The following OIT3 variants were observed in gnomAD, a reference collection of about 807,000 sequenced individuals.
The protein encoded by OIT3 is oncoprotein-induced transcript 3 protein.
In OIT3, 41 loss-of-function variants were observed where a neutral mutation model predicts 52.2. The ratio of observed to expected loss-of-function variants is 0.79; its 90% CI spans 0.61 to 1.02. OIT3 has a LOEUF of 1.02. Among genes scored for constraint, OIT3 ranks in the 50% least tolerant of loss-of-function variants. The probability of loss-of-function intolerance (pLI) is 0.00; values close to 1 mark genes in which losing one functional copy is unlikely to be tolerated. For synonymous variants in OIT3, 244 were observed against 276.9 expected (o/e 0.88, Z 1.18); for missense variants, 634 against 715.5 (o/e 0.89, Z 1.30).
At chr10:72,909,968 G>A (rs1156508412) in intron 4 of OIT3, among the ~76,000 whole-genome samples, 1 of 152,124 alleles carries the variant, frequency 6.6e-6, no homozygotes, top group African/African-American at 2.4e-5. Flanking sequence ...TCATAAAAGT[G>A]TAGAAGAAAA....
intron 1 of OIT3, among the ~76,000 whole-genome samples, chr10:72,896,929 A>G (rs1845879991): frequency 6.6e-6 from 1 of 152,212 alleles, no homozygotes; most frequent in Non-Finnish European, 1.5e-5. Flanking sequence ...ATGTTGATTC[A>G]TTAATTAGTT....
In OIT3 at chr10:72,924,229, GT is replaced by G. The variant is rs1221914369; in HGVS notation, c.953del (p.Val318GlyfsTer2). ...SLKTCGTVVDVVNDKIVASNL... is the reference protein window; with the variant it reads ...SLKTCGTVVDXVNDKIVASNL... ...CTCTCCTCACCCTGGCCTGGCTCAG[GT>G]GGTGAATGACAAGATTGTGGCCAGC... On this transcript the variant is annotated frameshift_variant and splice_region_variant, in exon 7 of 9. Coordinates refer to ENST00000334011, the MANE Select transcript of OIT3 (RefSeq NM_152635.3). LOFTEE classifies it high-confidence loss of function. 6.3e-7 allele frequency: 1 copy of G among 1,588,914 alleles called. No individual in the cohort carries two copies. The highest frequency in any genetic ancestry group is 8.6e-7 in the Non-Finnish European group (1 of 1,163,928).
chr10:72,916,012 G>T (rs770597150), intron 6 of OIT3, among the ~76,000 whole-genome samples: 3 of 152,180 alleles, frequency 2.0e-5, no homozygotes, highest in Non-Finnish European at 4.4e-5. Flanking sequence ...GAGTTTGAGT[G>T]AGGCATTGAA....
chr10:72,904,037 G>T (rs904960406), intron 3 of OIT3, among the ~76,000 whole-genome samples: 12 of 152,162 alleles, frequency 7.9e-5, no homozygotes, highest in African/African-American at 2.7e-4. Flanking sequence ...GGTAGTTAAA[G>T]ATCGACCCCT....
chr10:72,910,233 G>GA (rs1287183838), intron 4 of OIT3, among the ~76,000 whole-genome samples: 3 of 152,056 alleles, frequency 2.0e-5, no homozygotes, highest in Non-Finnish European at 2.9e-5. Context: ...AACTTTTAAG[G>GA]AAAAAAAGTG....
At chr10:72,911,666 TG>T in intron 4 of OIT3, 50 bp from the exon 5 acceptor site, 1 of 1,576,554 alleles carries the variant, frequency 6.3e-7, no homozygotes, top group Non-Finnish European at 8.6e-7. Context: ...CCAGAATTCT[TG>T]GGGTAGAGGG....
At chr10:72,898,132 A>T (rs1845893412) in intron 1 of OIT3, among the ~76,000 whole-genome samples, 1 of 151,784 alleles carries the variant, frequency 6.6e-6, no homozygotes, top group African/African-American at 2.4e-5. Flanking sequence ...AAAAAAAAAA[A>T]AAAAATTAGC....
chr10:72,930,607 T>C lies in OIT3; in HGVS notation c.1437T>C (p.Pro479=), dbSNP rs542854241. The C allele has an allele frequency of 1.2e-6, 2 of 1,613,216 alleles. No individual in the cohort carries two copies. Among genetic ancestry groups the C allele is most frequent in the South Asian group, 1.1e-5 (1 of 91,010 alleles). Residue 479 remains proline (P), a synonymous_variant, in exon 8 of 9, where the codon CCT becomes CCC. Coordinates refer to ENST00000334011, the MANE Select transcript of OIT3 (RefSeq NM_152635.3). ...RDHLAKHFQV[P]VFKFVGKDHK... ...ACCTAGCAAAGCACTTCCAGGTCCC[T>C]GTCTTCAAGTTTGTGGGCAAAGACC...
At chr10:72,923,090 T>TGGTC (rs1011255194) in intron 6 of OIT3, among the ~76,000 whole-genome samples, 1 of 152,176 alleles carries the variant, frequency 6.6e-6, no homozygotes, top group Non-Finnish European at 1.5e-5. Flanking sequence ...TGTTGGCCAC[T>TGGTC]GGTCTCTAAC....
chr10:72,929,199 CA>C (rs1450407494), intron 7 of OIT3, among the ~76,000 whole-genome samples: 3 of 150,268 alleles, frequency 2.0e-5, no homozygotes, highest in Non-Finnish European at 4.4e-5. Flanking sequence ...GACCCTGTCT[CA>C]AAACAAAACA....
In OIT3 at chr10:72,898,964, T is replaced by C; in HGVS notation, c.362T>C (p.Val121Ala). The C allele has an allele frequency of 6.2e-7, 1 of 1,614,144 alleles. No homozygotes were observed. The highest frequency in any genetic ancestry group is 1.1e-5 in the South Asian group (1 of 91,072). Residue 121 changes from valine to alanine, a missense_variant, in exon 2 of 9, where the codon GTC (valine) becomes GCC (alanine). Val to Ala is a moderately conservative substitution (Grantham distance 64). Transcript: ENST00000334011. ...NCCLWNTTVE[V>A]KACPGGYYVY... ...TGTCTCTGGAACACCACGGTGGAAGTCAAGGCTTGCCCTGGAGGCTACTAT... is the reference window on the plus strand; with the variant it reads ...TGTCTCTGGAACACCACGGTGGAAGCCAAGGCTTGCCCTGGAGGCTACTAT...
In OIT3 at chr10:72,924,553, G is replaced by T. The variant is rs186007062; in HGVS notation, c.1276G>T (p.Val426Leu). Residue 426 changes from valine (V) to leucine (L), a missense_variant, in exon 7 of 9, where the codon GTG becomes TTG. Coordinates refer to ENST00000334011, the MANE Select transcript of OIT3 (RefSeq NM_152635.3). ...LYFGIEPVVH[V>L]SGLESLVESC... Reference sequence around the variant, plus strand: ...CTTTGGCATTGAGCCCGTGGTGCACGTGAGCGGCTTGGAAAGCTTGGTGGA... The same window carrying T: ...CTTTGGCATTGAGCCCGTGGTGCACTTGAGCGGCTTGGAAAGCTTGGTGGA... The T allele has an allele frequency of 6.2e-7, 1 of 1,614,146 alleles. No individual in the cohort carries two copies. The highest frequency in any genetic ancestry group is 2.2e-5 in the East Asian group (1 of 44,874).
rs144068616 is a variant in OIT3, at chr10:72,918,248, G to A, written c.951+4780G>A. ...CACACTTCAACTGTAAGATCACTGG[G>A]GGTGTTATTTCAAAGCCCCCAAGAG... On this transcript the variant is annotated intron_variant, in intron 6 of 8. Transcript: ENST00000334011. 7.5e-5 allele frequency: 61 copies of A among 816,462 alleles called. No homozygotes were observed. The African/African-American group carries it at 9.8e-4, about 13-fold the overall frequency. The allele number at this position is 816,462 out of a possible 1,614,324, so 50.6% of individuals were successfully genotyped here. A position where few individuals can be genotyped will look rare whatever the true frequency, so the allele number is the denominator to read the frequency against.
At position 72,911,449 on chromosome 10, in the gene OIT3, A is replaced by G. The variant is rs112623227; in HGVS notation, c.668-268A>G. Reference sequence around the variant, plus strand: ...AACTCATAACCCCAGGCTAACCATGAGAAAAACATCAGACAAACCCAACCT... The same window carrying G: ...AACTCATAACCCCAGGCTAACCATGGGAAAAACATCAGACAAACCCAACCT... On this transcript the variant is annotated intron_variant, in intron 4 of 8. Transcript: ENST00000334011. 7.9e-3 allele frequency among the ~76,000 whole-genome samples: 1,205 copies of G among 152,358 alleles called. 12 individuals carry two copies. The highest frequency in any genetic ancestry group is 0.028 in the African/African-American group (1,149 of 41,578).
intron 1 of OIT3, among the ~76,000 whole-genome samples, chr10:72,896,656 A>T (rs1211500593): frequency 6.6e-6 from 1 of 152,200 alleles, no homozygotes; most frequent in Non-Finnish European, 1.5e-5. Context: ...GTGGATATGT[A>T]GATTGGAAAA....
At chr10:72,914,537 G>A (rs1019883743) in intron 6 of OIT3, among the ~76,000 whole-genome samples, 1 of 152,182 alleles carries the variant, frequency 6.6e-6, no homozygotes, top group Admixed American at 6.6e-5. Flanking sequence ...AAGTTATGTC[G>A]ATCGTATCTG....
intron 6 of OIT3, among the ~76,000 whole-genome samples, chr10:72,922,348 C>T (rs1255956754): frequency 6.6e-6 from 1 of 151,916 alleles, no homozygotes; most frequent in East Asian, 1.9e-4. Flanking sequence ...TTTACATAAT[C>T]CCATATTTCT....
At chr10:72,899,743 AGATAG>A (rs1294973031) in intron 2 of OIT3, among the ~76,000 whole-genome samples, 7 of 150,806 alleles carry the variant, frequency 4.6e-5, no homozygotes, top group Non-Finnish European at 1.0e-4. Flanking sequence ...ATAGATAGAT[AGATAG>A]ATAGATAGAT....
intron 6 of OIT3, among the ~76,000 whole-genome samples, chr10:72,921,495 G>C (rs1846121293): frequency 6.6e-6 from 1 of 152,040 alleles, no homozygotes; most frequent in African/African-American, 2.4e-5. Flanking sequence ...GTGGCTGGTA[G>C]TGGTTTTACC....
Sources: allele counts gnomAD v4.1 joint callset (sites outside exome capture counted in the v4.1 genomes callset), GRCh38; gene constraint gnomAD v4.1.1; transcripts MANE v1.5; gene names NCBI Gene and HGNC (gene_info 2026-07-23, HGNC 2026-07-21).